Variants in TRPM1 observed in about 807,000 individuals in gnomAD.
The protein encoded by TRPM1 is TRPM1-203 APA Isoform, Intron 10.
TRPM1 carries 113 observed loss-of-function variants against 149.4 expected under a neutral mutation model. The observed-to-expected ratio is 0.76, with a 90% CI of 0.65 to 0.88. The LOEUF (loss-of-function observed/expected upper bound fraction) is 0.88, where lower values mean the gene tolerates loss of function less well. Ranked by LOEUF, TRPM1 falls within the 40% of genes least tolerant of loss-of-function variation. The pLI is 0.00. For missense variants in TRPM1, 1,976 were observed against 2,038.7 expected (o/e 0.97, Z 0.59); for synonymous variants, 741 against 759.5 (o/e 0.98, Z 0.40).
intron 9 of TRPM1, 143 bp from the exon 10 acceptor site, chr15:31,061,657 T>C (rs775687970): frequency 2.8e-5 from 20 of 710,724 alleles, no homozygotes; most frequent in Admixed American, 5.2e-5. Flanking sequence ...GCTGTTGATT[T>C]CTTTTTTTTC....
At chr15:31,088,666 A>C (rs924938706) in intron 1 of TRPM1, among the ~76,000 whole-genome samples, 2 of 152,166 alleles carry the variant, frequency 1.3e-5, no homozygotes, top group Non-Finnish European at 2.9e-5. Flanking sequence ...ACGGACTAGG[A>C]TGGGCATTTC....
At chr15:31,014,189 G>T (rs1220679720) in intron 27 of TRPM1, among the ~76,000 whole-genome samples, 1 of 152,086 alleles carries the variant, frequency 6.6e-6, no homozygotes, top group African/African-American at 2.4e-5. Flanking sequence ...TTAGTCTATT[G>T]TTTGCCCCAG....
upstream of TRPM1, among the ~76,000 whole-genome samples, chr15:31,106,338 G>A (rs1486202707): frequency 6.6e-6 from 1 of 151,650 alleles, no homozygotes. Context: ...GTTTCACCAT[G>A]TTGGTCAGGC....
At position 31,026,218 on chromosome 15, in the gene TRPM1, A is replaced by C. The variant is rs775040492; in HGVS notation, c.3550T>G (p.Cys1184Gly). 6.2e-7 allele frequency: 1 copy of C among 1,612,552 alleles called. No homozygotes were observed. Among genetic ancestry groups the C allele is most frequent in the African/African-American group, 1.3e-5 (1 of 75,070 alleles). The change falls in exon 27 of 28, where the codon TGC becomes GGC. Residue 1184 changes from cysteine (C) to glycine (G), a missense_variant. By Grantham distance (159) the Cys-to-Gly change is radical. This residue lies in a region of TRPM1 where 572 missense variants were observed against 578.9 expected (regional missense o/e 0.99). Transcript: ENST00000256552. ...TTCTCCCGGAAGTGCTCCTGCACGCACTGCTCCTCGAACTCATGCAGCCTC... is the reference window on the plus strand; with the variant it reads ...TTCTCCCGGAAGTGCTCCTGCACGCCCTGCTCCTCGAACTCATGCAGCCTC... ...LKRLHEFEEQCVQEHFREKED... is the reference protein window; with the variant it reads ...LKRLHEFEEQGVQEHFREKED...
intron 1 of TRPM1, among the ~76,000 whole-genome samples, chr15:31,113,276 T>C (rs184977185): frequency 6.6e-6 from 1 of 152,298 alleles, no homozygotes; most frequent in African/African-American, 2.4e-5. Context: ...CCCCTGATTC[T>C]GCCTGCTCCT....
At chr15:31,089,694 T>C (rs2035171652) in intron 1 of TRPM1, among the ~76,000 whole-genome samples, 1 of 151,872 alleles carries the variant, frequency 6.6e-6, no homozygotes, top group African/African-American at 2.4e-5. Flanking sequence ...AAGCGTCAGC[T>C]CCAGGGCCGA....
chr15:31,125,627 G>A (rs1417533948), intron 1 of TRPM1, among the ~76,000 whole-genome samples: 20 of 145,546 alleles, frequency 1.4e-4, no homozygotes, highest in Middle Eastern at 3.3e-3. Context: ...CTACTTGGGA[G>A]GCTGAGGCAG....
At chr15:31,071,322 C>G (rs946045876) in intron 3 of TRPM1, among the ~76,000 whole-genome samples, 1 of 152,120 alleles carries the variant, frequency 6.6e-6, no homozygotes, top group Non-Finnish European at 1.5e-5. Flanking sequence ...AGCCGTGCAC[C>G]CTAGCAAATG....
chr15:31,136,023 T>C (rs2036083479), intron 1 of TRPM1, among the ~76,000 whole-genome samples: 1 of 152,234 alleles, frequency 6.6e-6, no homozygotes, highest in African/African-American at 2.4e-5. Flanking sequence ...TGTGTAATTT[T>C]AGTTCAGTAA....
intron 1 of TRPM1, among the ~76,000 whole-genome samples, chr15:31,097,195 G>A (rs1169559923): frequency 6.6e-6 from 1 of 152,108 alleles, no homozygotes; most frequent in Non-Finnish European, 1.5e-5. Context: ...CCCAATCCAG[G>A]CCTGCCCTCC....
intron 1 of TRPM1, among the ~76,000 whole-genome samples, chr15:31,133,024 A>T (rs1236417098): frequency 6.6e-6 from 1 of 152,228 alleles, no homozygotes. Flanking sequence ...GAACAGACTA[A>T]TACAGTAAAA....
In TRPM1 at chr15:31,063,215, G is replaced by C; in HGVS notation, c.868C>G (p.Leu290Val). Residue 290 changes from leucine to valine, a missense_variant, in exon 8 of 28, where the codon CTG (leucine) becomes GTG (valine). Leu to Val is a conservative substitution (Grantham distance 32). Coordinates refer to ENST00000256552, the MANE Select transcript of TRPM1 (RefSeq NM_001252024.2). ...ACAGGGATGGGAGGCTCTTCTTGCA[G>C]GTATTCCAAGACGATGGACACCACG... Reference protein sequence around the residue: ...PNVVSIVLEYLQEEPPIPVVI... With the variant: ...PNVVSIVLEYVQEEPPIPVVI... The C allele has an allele frequency of 1.2e-6, 2 of 1,614,178 alleles. No homozygotes were observed. Among genetic ancestry groups the C allele is most frequent in the Non-Finnish European group, 1.7e-6 (2 of 1,180,036 alleles).
chr15:31,123,535 C>T (rs926221842), intron 1 of TRPM1, among the ~76,000 whole-genome samples: 43 of 152,116 alleles, frequency 2.8e-4, no homozygotes, highest in African/African-American at 9.4e-4. Flanking sequence ...GACACCTCAC[C>T]GAAGAAGATA....
chr15:31,091,061 A>G (rs1038626206), intron 1 of TRPM1, among the ~76,000 whole-genome samples: 1 of 152,256 alleles, frequency 6.6e-6, no homozygotes, highest in Non-Finnish European at 1.5e-5. Flanking sequence ...AAAAAAGTGC[A>G]ACGAGGGTAA....
upstream of TRPM1, among the ~76,000 whole-genome samples, chr15:31,103,655 A>G (rs1244827327): frequency 6.6e-6 from 1 of 151,822 alleles, no homozygotes; most frequent in Admixed American, 6.6e-5. Flanking sequence ...TCTACTAAAA[A>G]TATAAAAAAT....
chr15:31,064,523 C>T (rs16956509), intron 7 of TRPM1, among the ~76,000 whole-genome samples: 5,695 of 152,248 alleles, frequency 0.037, 155 homozygotes, highest in Admixed American at 0.078. Context: ...TAATTTTATG[C>T]CACACTGGCC....
intron 1 of TRPM1, among the ~76,000 whole-genome samples, chr15:31,130,809 C>A (rs1288493087): frequency 6.6e-6 from 1 of 152,162 alleles, no homozygotes; most frequent in Admixed American, 6.5e-5. Context: ...GGCCCGCTAC[C>A]TGCCAAATTA....
chr15:31,112,962 C>T (rs1213776541), intron 1 of TRPM1, among the ~76,000 whole-genome samples: 4 of 152,140 alleles, frequency 2.6e-5, no homozygotes, highest in African/African-American at 9.7e-5. Flanking sequence ...CAACAGAGGA[C>T]TTGGGAAAAA....
At chr15:31,052,476 C>T (rs2033971336) in intron 11 of TRPM1, among the ~76,000 whole-genome samples, 1 of 152,070 alleles carries the variant, frequency 6.6e-6, no homozygotes, top group African/African-American at 2.4e-5. Context: ...AAATCGAAAA[C>T]TACTAATATA....
Sources: allele counts gnomAD v4.1 joint callset (sites outside exome capture counted in the v4.1 genomes callset), GRCh38; gene constraint gnomAD v4.1.1; regional missense constraint gnomAD v4.1.1; transcripts MANE v1.5; gene names NCBI Gene and HGNC (gene_info 2026-07-23, HGNC 2026-07-21).